The following ITIH4 variants were observed in gnomAD, a reference collection of about 807,000 sequenced individuals.
ITIH4 encodes inter-alpha-trypsin inhibitor heavy chain H4.
ITIH4 carries 79 observed loss-of-function variants against 111.8 expected under a neutral mutation model. The observed-to-expected ratio is 0.71, with a 90% CI of 0.59 to 0.85. ITIH4 has a LOEUF of 0.85. ITIH4 is among the 40% of genes least tolerant of loss of function. The pLI is 0.00. For missense variants in ITIH4, 1,065 were observed against 1,195.8 expected (o/e 0.89, Z 1.61); for synonymous variants, 472 against 468.3 (o/e 1.01, Z -0.10).
intron 11 of ITIH4, among the ~76,000 whole-genome samples, chr3:52,823,074 T>C (rs2535639): frequency 0.11 from 16,681 of 152,162 alleles, 2,830 homozygotes; most frequent in African/African-American, 0.36. Context: ...CCGCAGAGCT[T>C]GTGCTCAGTT....
chr3:52,830,093 C>G (rs1032008740), intron 1 of ITIH4: 8 of 315,392 alleles, frequency 2.5e-5, no homozygotes, highest in Non-Finnish European at 4.9e-5. Flanking sequence ...ATTTGCTCTG[C>G]GACAAGCACT....
intron 12 of ITIH4, 87 bp from the exon 13 acceptor site, chr3:52,820,872 G>A: frequency 6.5e-7 from 1 of 1,548,724 alleles, no homozygotes; most frequent in Non-Finnish European, 8.7e-7. Context: ...GGTCCCTCTG[G>A]GAGAATCTGG....
intron 11 of ITIH4, among the ~76,000 whole-genome samples, chr3:52,823,082 G>C (rs1480030970): frequency 6.6e-6 from 1 of 152,206 alleles, no homozygotes; most frequent in African/African-American, 2.4e-5. Flanking sequence ...CTTGTGCTCA[G>C]TTTCTCTTTG....
At chr3:52,828,392 C>A (rs1030511768) in intron 2 of ITIH4, among the ~76,000 whole-genome samples, 4 of 152,202 alleles carry the variant, frequency 2.6e-5, no homozygotes, top group Non-Finnish European at 4.4e-5. Context: ...AGGAGACTAG[C>A]CCCCACTGCA....
In ITIH4 at chr3:52,813,127, A is replaced by G; in HGVS notation, c.*294T>C. The G allele has an allele frequency of 2.9e-6, 1 of 348,170 alleles. No homozygotes were observed. The highest frequency in any genetic ancestry group is 5.1e-5 in the East Asian group (1 of 19,656). The allele number at this position is 348,170 out of a possible 1,614,324, so 21.6% of individuals were successfully genotyped here. ...GTTCGAGCTCAGTTTCCTTGTTTGT[A>G]AAATGAAGGGGCTGGACTGAAAGCT... On this transcript the variant is annotated 3_prime_UTR_variant, in exon 24 of 24. Transcript: ENST00000266041.
chr3:52,820,822 G>C lies in ITIH4; in HGVS notation c.1680-37C>G, dbSNP rs773189321. ...GCACATCAGAGCTCAGGAGATCCTT[G>C]AATTCGGGAACAGATTTTCCATCCA... is the stretch of plus-strand genomic sequence containing the variant. On this transcript the variant is annotated intron_variant, in intron 12 of 23. Coordinates refer to ENST00000266041, the MANE Select transcript of ITIH4 (RefSeq NM_002218.5). 5 of 1,574,086 alleles carry C rather than the reference G, an allele frequency of 3.2e-6. No individual in the cohort carries two copies. In the South Asian group the frequency reaches 4.7e-5, roughly 15 times the overall value.
Position 52,824,716 on chromosome 3 carries a change from G to A in ITIH4, c.876+126C>T. The A allele has an allele frequency of 8.0e-7, 1 of 1,244,780 alleles. No individual in the cohort carries two copies. The highest frequency in any genetic ancestry group is 1.5e-5 in the African/African-American group (1 of 66,676). 77.1% of individuals were successfully genotyped at this position (1,244,780 alleles called of 1,614,324 possible). On this transcript the variant is annotated intron_variant, in intron 7 of 23. Coordinates refer to ENST00000266041, the MANE Select transcript of ITIH4 (RefSeq NM_002218.5). The surrounding 1 kb of genome is among the most constrained non-coding windows in gnomAD (Gnocchi z 4.3). The stretch of plus-strand genomic sequence containing the variant: ...CTGCCCTAGGCTCTGGCCAACCTTG[G>A]TTCCTGAGAGCCACCCGCCCCATGG...
Position 52,818,180 on chromosome 3 carries a change from G to C in ITIH4, c.2180-12C>G. ...AGCCTGTATGGGGGCTGGGACAGCC[G>C]GGGCACGGCTCCTGGAGCAGGAAGG... On this transcript the variant is annotated splice_polypyrimidine_tract_variant and intron_variant, in intron 19 of 23. Transcript: ENST00000266041. 1 of 1,604,188 alleles carries C rather than the reference G, an allele frequency of 6.2e-7. No homozygotes were observed. Among genetic ancestry groups the C allele is most frequent in the Non-Finnish European group, 8.5e-7 (1 of 1,173,482 alleles).
chr3:52,821,656 G>A (rs1240732105), intron 11 of ITIH4, among the ~76,000 whole-genome samples: 4 of 151,978 alleles, frequency 2.6e-5, no homozygotes, highest in East Asian at 3.9e-4. Flanking sequence ...GCCCCTCTGC[G>A]GCTGGCCACC....
Position 52,824,156 on chromosome 3 carries a change from C to A in ITIH4, c.1171+34G>T, listed in dbSNP as rs768653554. ...TGCAGCCCCAGCCGCCTCCCCTGTGCAGCACGTCCTGGAGTCACGGGCAGG... is the reference window on the plus strand; with the variant it reads ...TGCAGCCCCAGCCGCCTCCCCTGTGAAGCACGTCCTGGAGTCACGGGCAGG... On this transcript the variant is annotated intron_variant, in intron 9 of 23. Transcript: ENST00000266041. This position sits in a 1 kb window ranked among gnomAD's most constrained non-coding sequence, Gnocchi z 4.3. 1.2e-6 allele frequency: 2 copies of A among 1,608,932 alleles called. No individual in the cohort carries two copies. Among genetic ancestry groups the A allele is most frequent in the Non-Finnish European group, 1.7e-6 (2 of 1,176,848 alleles).
chr3:52,818,168 G>T lies in ITIH4; in HGVS notation c.2180C>A (p.Ala727Asp), dbSNP rs750860710. 5 of 1,609,130 alleles carry T rather than the reference G, an allele frequency of 3.1e-6. No individual in the cohort carries two copies. Among genetic ancestry groups the T allele is most frequent in the Non-Finnish European group, 4.2e-6 (5 of 1,176,742 alleles). The stretch of plus-strand genomic sequence containing the variant: ...GATGGCAGAGGGAGCCTGTATGGGG[G>T]CTGGGACAGCCGGGGCACGGCTCCT... ...EETTMTTQTPAPIQAPSAILP... is the reference protein window; with the variant it reads ...EETTMTTQTPDPIQAPSAILP... Residue 727 changes from alanine to aspartate, a missense_variant and splice_region_variant, in exon 20 of 24, where the codon GCC (alanine) becomes GAC (aspartate). By Grantham distance (126) the Ala-to-Asp change is moderately radical. Coordinates refer to ENST00000266041, the MANE Select transcript of ITIH4 (RefSeq NM_002218.5).
intron 21 of ITIH4, among the ~76,000 whole-genome samples, chr3:52,815,361 A>T (rs562021569): frequency 6.7e-6 from 1 of 150,124 alleles, no homozygotes; most frequent in Non-Finnish European, 1.5e-5. Flanking sequence ...CTCCTACCTC[A>T]GCCTCCCGAG....
chr3:52,830,469 CGCTG>C (rs1559483496), intron 1 of ITIH4, 80 bp downstream of exon 1: 2 of 1,301,628 alleles, frequency 1.5e-6, no homozygotes, highest in Non-Finnish European at 2.2e-6. Flanking sequence ...TGTGCTGACA[CGCTG>C]GCACATGCGG....
Position 52,829,114 on chromosome 3 carries a change from C to G in ITIH4, c.251+5G>C. 1.9e-6 allele frequency: 3 copies of G among 1,603,456 alleles called. No homozygotes were observed. The highest frequency in any genetic ancestry group is 2.6e-6 in the Non-Finnish European group (3 of 1,171,790). On this transcript the variant is annotated splice_donor_5th_base_variant and intron_variant, in intron 2 of 23. Coordinates refer to ENST00000266041, the MANE Select transcript of ITIH4 (RefSeq NM_002218.5). ...GAGAGGGGAGGAGGGTGGGAAGGCA[C>G]CTACATGGAGAAGTTGGTGATGAAG...
chr3:52,824,165 C>T lies in ITIH4; in HGVS notation c.1171+25G>A, dbSNP rs750794413. The stretch of plus-strand genomic sequence containing the variant: ...AGCCGCCTCCCCTGTGCAGCACGTC[C>T]TGGAGTCACGGGCAGGGCCCTCACC... On this transcript the variant is annotated intron_variant, in intron 9 of 23. Transcript: ENST00000266041. The surrounding 1 kb of genome is among the most constrained non-coding windows in gnomAD (Gnocchi z 4.3). The T allele has an allele frequency of 2.5e-6, 4 of 1,611,806 alleles. No individual in the cohort carries two copies. The African/African-American group carries it at 5.3e-5, about 22-fold the overall frequency.
intron 2 of ITIH4, among the ~76,000 whole-genome samples, chr3:52,828,076 T>C (rs1163228110): frequency 6.6e-6 from 1 of 152,144 alleles, no homozygotes; most frequent in Non-Finnish European, 1.5e-5. Context: ...TCCCCCTGGG[T>C]AGGCAGTGCT....
At chr3:52,827,431 C>A (rs1478008083) in intron 2 of ITIH4, among the ~76,000 whole-genome samples, 2 of 152,224 alleles carry the variant, frequency 1.3e-5, no homozygotes, top group Admixed American at 1.3e-4. Context: ...TAACAGTAAG[C>A]ATTCATTTTA....
At chr3:52,830,413 G>A (rs1376812421) in intron 1 of ITIH4, 140 bp downstream of exon 1, 1 of 802,512 alleles carries the variant, frequency 1.2e-6, no homozygotes, top group Non-Finnish European at 2.2e-6. Context: ...GTGCCTGGCG[G>A]GAGGTCTGCA....
rs1332062982 is a variant in ITIH4 at position 52,813,503 on chromosome 3, G to T, written c.2724-13C>A. 1 of 1,613,012 alleles carries T rather than the reference G, an allele frequency of 6.2e-7. No individual in the cohort carries two copies. The highest frequency in any genetic ancestry group is 8.5e-7 in the Non-Finnish European group (1 of 1,179,026). The stretch of plus-strand genomic sequence containing the variant: ...CAGCCTGCGCTCTCTGAAATGGAAA[G>T]ACAGACAGATAGGCAGGTGGTCAGC... On this transcript the variant is annotated splice_polypyrimidine_tract_variant and intron_variant, in intron 23 of 23. Transcript: ENST00000266041.
Sources: allele counts gnomAD v4.1 joint callset (sites outside exome capture counted in the v4.1 genomes callset), GRCh38; gene constraint gnomAD v4.1.1; non-coding constraint Gnocchi (gnomAD v3.1); transcripts MANE v1.5; gene names NCBI Gene and HGNC (gene_info 2026-07-23, HGNC 2026-07-21).